Variants in ASAP2 observed in about 807,000 individuals in gnomAD.
ASAP2 encodes the protein ArfGAP with SH3 domain, ankyrin repeat and PH domain 2.
In ASAP2, 45 loss-of-function variants were observed where a neutral mutation model predicts 131.4. That is an observed-to-expected ratio of 0.34 (90% CI 0.27 to 0.44). ASAP2 has a LOEUF of 0.44. Among genes scored for constraint, ASAP2 ranks in the 20% least tolerant of loss-of-function variants. ASAP2 has a pLI of 1.00. For synonymous variants in ASAP2, 510 were observed against 503.0 expected (o/e 1.01, Z -0.19); for missense variants, 1,011 against 1,297.0 (o/e 0.78, Z 3.39).
intron 1 of ASAP2, among the ~76,000 whole-genome samples, chr2:9,264,375 T>G (rs1206240472): frequency 6.6e-6 from 1 of 152,148 alleles, no homozygotes; most frequent in Non-Finnish European, 1.5e-5. Flanking sequence ...CACTGTCCCC[T>G]TCCCCATCAG....
intron 15 of ASAP2, among the ~76,000 whole-genome samples, chr2:9,359,165 A>G (rs1672919755): frequency 3.3e-5 from 5 of 152,242 alleles, no homozygotes; most frequent in Admixed American, 3.3e-4. Context: ...ATGGAGTAAG[A>G]TGGTGACATA....
chr2:9,371,913 G>A (rs899621587), intron 16 of ASAP2, among the ~76,000 whole-genome samples: 5 of 151,990 alleles, frequency 3.3e-5, no homozygotes, highest in African/African-American at 1.2e-4. Context: ...TCAGGAGATC[G>A]AGACCATCCT....
At chr2:9,266,849 G>A (rs997774188) in intron 1 of ASAP2, among the ~76,000 whole-genome samples, 7 of 152,152 alleles carry the variant, frequency 4.6e-5, no homozygotes, top group African/African-American at 1.7e-4. Flanking sequence ...AGAAAAGCCC[G>A]AGGCCTGAGC....
At chr2:9,330,362 G>GA (rs1443748825) in intron 7 of ASAP2, among the ~76,000 whole-genome samples, 2 of 152,204 alleles carry the variant, frequency 1.3e-5, no homozygotes, top group Admixed American at 1.3e-4. Context: ...TGGGTGCTAA[G>GA]AAAGGCATAC....
intron 1 of ASAP2, among the ~76,000 whole-genome samples, chr2:9,209,749 A>G (rs1175667509): frequency 6.6e-6 from 1 of 152,180 alleles, no homozygotes; most frequent in Non-Finnish European, 1.5e-5. Flanking sequence ...TTTTGTATTT[A>G]GTAGAGATGG....
intron 12 of ASAP2, among the ~76,000 whole-genome samples, chr2:9,351,711 G>A (rs1672343617): frequency 6.6e-6 from 1 of 152,146 alleles, no homozygotes; most frequent in Admixed American, 6.5e-5. Context: ...AATGTCAGTT[G>A]ACCTGTATTA....
intron 1 of ASAP2, among the ~76,000 whole-genome samples, chr2:9,262,059 G>C (rs1184460862): frequency 6.6e-6 from 1 of 152,162 alleles, no homozygotes; most frequent in African/African-American, 2.4e-5. Context: ...ACGTTGCCCA[G>C]GCTGGACTCA....
intron 2 of ASAP2, among the ~76,000 whole-genome samples, chr2:9,292,790 G>A (rs1667902444): frequency 6.6e-6 from 1 of 152,240 alleles, no homozygotes; most frequent in Admixed American, 6.5e-5. Flanking sequence ...ATGAGCATAT[G>A]TGTCCTTGTA....
intron 2 of ASAP2, among the ~76,000 whole-genome samples, chr2:9,280,277 G>GA (rs980020698): frequency 2.4e-4 from 37 of 152,290 alleles, no homozygotes; most frequent in African/African-American, 7.9e-4. Context: ...GGAACAGGAG[G>GA]ACAGGGAGTG....
At position 9,297,592 on chromosome 2, in the gene ASAP2, G is replaced by C. The variant is rs954573022; in HGVS notation, c.345+147G>C. 5 of 984,572 alleles carry C rather than the reference G, an allele frequency of 5.1e-6. No individual in the cohort carries two copies. In the Admixed American group the frequency reaches 8.5e-5, roughly 17 times the overall value. 61.0% of individuals were successfully genotyped at this position (984,572 alleles called of 1,614,324 possible). ...AGAATTATGTTTTTATACACATTGGGTCAGTTTGGAATAAAGTTTAAAATT... is the reference window on the plus strand; with the variant it reads ...AGAATTATGTTTTTATACACATTGGCTCAGTTTGGAATAAAGTTTAAAATT... On this transcript the variant is annotated intron_variant, in intron 3 of 27. Coordinates refer to ENST00000281419, the MANE Select transcript of ASAP2 (RefSeq NM_003887.3).
At chr2:9,282,947 T>C (rs1303391677) in intron 2 of ASAP2, among the ~76,000 whole-genome samples, 1 of 152,234 alleles carries the variant, frequency 6.6e-6, no homozygotes, top group East Asian at 1.9e-4. Context: ...CCACCCAGTC[T>C]GTAAACGGAC....
At chr2:9,282,681 G>A (rs967897613) in intron 2 of ASAP2, among the ~76,000 whole-genome samples, 18 of 152,206 alleles carry the variant, frequency 1.2e-4, no homozygotes, top group African/African-American at 4.3e-4. Context: ...TCCTGTATAG[G>A]AAGAGCGCTC....
chr2:9,293,132 A>G (rs1425823083), intron 2 of ASAP2, among the ~76,000 whole-genome samples: 2 of 152,230 alleles, frequency 1.3e-5, no homozygotes, highest in East Asian at 1.9e-4. Context: ...AAAAGCACAC[A>G]ACAAAACCTA....
At position 9,311,410 on chromosome 2, in the gene ASAP2, C is replaced by CA. The variant is rs1010952340; in HGVS notation, c.346-7113dup. ...CTGCTTGTTGGTCCAACGTTAATAG[C>CA]AGTGATTAAGATTAATAATTTGTAT... On this transcript the variant is annotated intron_variant, in intron 3 of 27. Coordinates refer to ENST00000281419, the MANE Select transcript of ASAP2 (RefSeq NM_003887.3). The surrounding 1 kb of genome is among the most constrained non-coding windows in gnomAD (Gnocchi z 5.2). Among the ~76,000 whole-genome samples, 1 of 151,794 alleles carries CA rather than the reference C, an allele frequency of 6.6e-6. No individual in the cohort carries two copies. The highest frequency in any genetic ancestry group is 1.5e-5 in the Non-Finnish European group (1 of 67,982).
At chr2:9,376,153 ACT>A (rs1435349627) in intron 17 of ASAP2, among the ~76,000 whole-genome samples, 1 of 151,984 alleles carries the variant, frequency 6.6e-6, no homozygotes, top group Non-Finnish European at 1.5e-5. Context: ...AGCTGGTCCC[ACT>A]CTCTCCCCAT....
At chr2:9,332,375 C>T (rs1215081615) in intron 7 of ASAP2, among the ~76,000 whole-genome samples, 2 of 152,144 alleles carry the variant, frequency 1.3e-5, no homozygotes, top group East Asian at 1.9e-4. Flanking sequence ...CAAGACACAC[C>T]TCAAGGAGGG....
rs1172640754 is a variant in ASAP2, at chr2:9,316,172, A to T, written c.346-2352A>T. Among the ~76,000 whole-genome samples the T allele has an allele frequency of 3.3e-5, 5 of 152,042 alleles. No individual in the cohort carries two copies. The East Asian group carries it at 7.7e-4, about 24-fold the overall frequency. ...TGTCTACAAAAACTACAAAAAAAAA[A>T]TTAGCCAAGCATGTTGGCCCGTGCC... On this transcript the variant is annotated intron_variant, in intron 3 of 27. Transcript: ENST00000281419.
chr2:9,356,105 A>G lies in ASAP2; in HGVS notation c.1160+10A>G, dbSNP rs748095534. 140 of 1,614,092 alleles carry G rather than the reference A, an allele frequency of 8.7e-5. No homozygotes were observed. The highest frequency in any genetic ancestry group is 1.1e-4 in the Non-Finnish European group (135 of 1,180,048). On this transcript the variant is annotated intron_variant, in intron 13 of 27. Coordinates refer to ENST00000281419, the MANE Select transcript of ASAP2 (RefSeq NM_003887.3). ...AACAGGAATGTCAAATGTAAGTTACATGGTGGTGGGACTTTGGGCTGGACT... is the reference window on the plus strand; with the variant it reads ...AACAGGAATGTCAAATGTAAGTTACGTGGTGGTGGGACTTTGGGCTGGACT...
At chr2:9,380,637 T>A in intron 19 of ASAP2, 104 bp from the exon 20 acceptor site, 9 of 1,088,432 alleles carry the variant, frequency 8.3e-6, no homozygotes, top group Non-Finnish European at 1.3e-5. Context: ...CCAGGCCCAA[T>A]TTAATTTAGT....
Sources: allele counts gnomAD v4.1 joint callset (sites outside exome capture counted in the v4.1 genomes callset), GRCh38; gene constraint gnomAD v4.1.1; non-coding constraint Gnocchi (gnomAD v3.1); transcripts MANE v1.5; gene names NCBI Gene and HGNC (gene_info 2026-07-23, HGNC 2026-07-21).